PRAP1: variants seen among roughly 807,000 people sequenced by gnomAD.
PRAP1 encodes the protein proline rich acidic protein 1.
A neutral mutation model predicts 14.6 loss-of-function variants in PRAP1; 12 were observed. The ratio of observed to expected loss-of-function variants is 0.82; its 90% confidence interval spans 0.53 to 1.33. The LOEUF (loss-of-function observed/expected upper bound fraction) is 1.33, where lower values mean the gene tolerates loss of function less well. Among genes scored for constraint, PRAP1 ranks in the 40% most tolerant of loss-of-function variants. The pLI is 0.00. For missense variants in PRAP1, 160 were observed against 193.7 expected, an observed-to-expected ratio of 0.83 and a Z score of 1.03; for synonymous variants, 81 against 80.3, an observed-to-expected ratio of 1.01 and a Z score of -0.04.
chr10:133,350,258 AAACCCC>A, intron 2 of PRAP1, 97 bp downstream of exon 2: 1 of 1,113,968 alleles, frequency 9.0e-7, no homozygotes, highest in Non-Finnish European at 1.3e-6. Context: ...TTCTGGCTTC[AAACCCC>A]AAGCTGGCTT....
Position 133,351,314 on chromosome 10 carries a change from A to G in PRAP1, c.76-67A>G, listed in dbSNP as rs2133405689. The G allele has an allele frequency of 5.9e-6, 8 of 1,366,306 alleles. No homozygotes were observed. In the Middle Eastern group the frequency reaches 1.3e-3, roughly 217 times the overall value. The allele number at this position is 1,366,306 out of a possible 1,614,324, so 84.6% of individuals were successfully genotyped here. A position where few individuals can be genotyped will look rare whatever the true frequency, so the allele number is the denominator to read the frequency against. ...GCAGCCCCAGGTGGGCCTCGGAGCA[A>G]CCTCTCCCCAGGTGTCCTCCACCCG... On this transcript the variant is annotated intron_variant, in intron 2 of 4. Transcript: ENST00000433452. This position sits in a 1 kb window ranked among gnomAD's most constrained non-coding sequence, Gnocchi z 4.3.
rs946769636 is a variant in PRAP1 at position 133,348,328 on chromosome 10, C to T, written c.8+903C>T. On this transcript the variant is annotated intron_variant, in intron 1 of 4. Coordinates refer to ENST00000433452, the MANE Select transcript of PRAP1 (RefSeq NM_145202.5). ...ACCAGACCAGACCAGGTCCCGGCCCCGGGCTGTCCGGGGCATCCCCCCTGC... is the reference window on the plus strand; with the variant it reads ...ACCAGACCAGACCAGGTCCCGGCCCTGGGCTGTCCGGGGCATCCCCCCTGC... Among the ~76,000 whole-genome samples, 6 of 152,274 alleles carry T rather than the reference C, an allele frequency of 3.9e-5. No homozygotes were observed. The South Asian group carries it at 8.3e-4, about 21-fold the overall frequency.
chr10:133,348,475 G>A (rs1461601823), intron 1 of PRAP1, among the ~76,000 whole-genome samples: 4 of 151,884 alleles, frequency 2.6e-5, no homozygotes, highest in East Asian at 1.9e-4. Context: ...GAGTAGCTGC[G>A]ATTACAGGTG....
chr10:133,351,361 C>T lies in PRAP1; in HGVS notation c.76-20C>T, dbSNP rs1848675646. The T allele has an allele frequency of 1.2e-6, 2 of 1,608,314 alleles. No individual in the cohort carries two copies. Among genetic ancestry groups the T allele is most frequent in the African/African-American group, 1.3e-5 (1 of 74,802 alleles). The stretch of plus-strand genomic sequence containing the variant: ...CCCGCGTGGACTGTGGCCCAGCCCA[C>T]ACCTGTGACTCTCCCCCAGGTCCCT... On this transcript the variant is annotated intron_variant, in intron 2 of 4. Coordinates refer to ENST00000433452, the MANE Select transcript of PRAP1 (RefSeq NM_145202.5). The surrounding 1 kb of genome is among the most constrained non-coding windows in gnomAD (Gnocchi z 4.3).
At chr10:133,349,683 G>A (rs565588545) in intron 1 of PRAP1, among the ~76,000 whole-genome samples, 20 of 152,360 alleles carry the variant, frequency 1.3e-4, no homozygotes, top group African/African-American at 3.4e-4. Context: ...CTCTGTGGGC[G>A]TGGGGCTGTG....
intron 1 of PRAP1, among the ~76,000 whole-genome samples, chr10:133,349,135 C>G (rs1292003941): frequency 6.6e-6 from 1 of 151,338 alleles, no homozygotes; most frequent in Admixed American, 6.6e-5. Context: ...CCCTCACACT[C>G]TACACACCAC....
In PRAP1 at chr10:133,352,385, A is replaced by G. The variant is rs747892734; in HGVS notation, c.401A>G (p.His134Arg). The G allele has an allele frequency of 5.6e-6, 9 of 1,612,976 alleles. No homozygotes were observed. In the South Asian group the frequency reaches 9.9e-5, roughly 18 times the overall value. ...CCCCGGTTGTGGGTGATGCCAAATC[A>G]CCAGGTGCTCCTGGGACCGGAGGAA... is the stretch of plus-strand genomic sequence containing the variant. ...ERPRLWVMPN[H>R]QVLLGPEEDQ... Residue 134 changes from histidine to arginine, a missense_variant, in exon 5 of 5, where the codon CAC becomes CGC. By Grantham distance (29) the His-to-Arg change is conservative (BLOSUM62 0). Transcript: ENST00000433452.
At position 133,348,759 on chromosome 10, in the gene PRAP1, C is replaced by T. The variant is rs549049066; in HGVS notation, c.8+1334C>T. On this transcript the variant is annotated intron_variant, in intron 1 of 4. Transcript: ENST00000433452. Reference sequence around the variant, plus strand: ...GCCAGGCTGGTTTCGAATGCCTAACCTCAAGTGATCTGTTGCCTCAGCCTC... The same window carrying T: ...GCCAGGCTGGTTTCGAATGCCTAACTTCAAGTGATCTGTTGCCTCAGCCTC... Among the ~76,000 whole-genome samples, 4 of 151,660 alleles carry T rather than the reference C, an allele frequency of 2.6e-5. No individual in the cohort carries two copies. In the East Asian group the frequency reaches 5.8e-4, roughly 22 times the overall value.
Position 133,352,363 on chromosome 10 carries a change from CG to C in PRAP1, c.381del (p.Leu128CysfsTer3). On this transcript the variant is annotated frameshift_variant, in exon 5 of 5. Transcript: ENST00000433452. LOFTEE classifies it low-confidence loss of function (END_TRUNC). Reference protein sequence around the residue: ...PEEDQGEERPRLWVMPNHQVL... With the variant: ...PEEDQGEERPXLWVMPNHQVL... ...GGAGGACCAGGGCGAGGAGAGGCCCCGGTTGTGGGTGATGCCAAATCACCAG... is the reference window on the plus strand; with the variant it reads ...GGAGGACCAGGGCGAGGAGAGGCCCCGTTGTGGGTGATGCCAAATCACCAG... 1 of 1,613,078 alleles carries C rather than the reference CG, an allele frequency of 6.2e-7. No homozygotes were observed. The highest frequency in any genetic ancestry group is 8.5e-7 in the Non-Finnish European group (1 of 1,179,992).
Position 133,347,870 on chromosome 10 carries a change from C to A in PRAP1, c.8+445C>A, listed in dbSNP as rs1848610312. On this transcript the variant is annotated intron_variant, in intron 1 of 4. Transcript: ENST00000433452. This position sits in a 1 kb window ranked among gnomAD's most constrained non-coding sequence, Gnocchi z 5.0. ...GCTGGACCCTGGAATCAGAGGCTGC[C>A]TTCCTTCTGTGGGGGTGTCTGTCTT... is the stretch of plus-strand genomic sequence containing the variant. Among the ~76,000 whole-genome samples the A allele has an allele frequency of 6.6e-6, 1 of 152,200 alleles. No homozygotes were observed. The highest frequency in any genetic ancestry group is 2.1e-4 in the South Asian group (1 of 4,832).
chr10:133,350,405 G>A, intron 2 of PRAP1, among the ~76,000 whole-genome samples: 1 of 152,230 alleles, frequency 6.6e-6, no homozygotes. Context: ...TGGATGATGT[G>A]GGTCCAGATG....
chr10:133,351,934 T>C lies in PRAP1; in HGVS notation c.129-73T>C. The C allele has an allele frequency of 1.3e-6, 2 of 1,557,320 alleles. No homozygotes were observed. The highest frequency in any genetic ancestry group is 2.4e-5 in the South Asian group (2 of 83,202). ...GGCTGGAGTGGCTGCCCTGGGATGG[T>C]GGGCACCCTCCTGCGGGGGGTTCTG... On this transcript the variant is annotated intron_variant, in intron 3 of 4. Coordinates refer to ENST00000433452, the MANE Select transcript of PRAP1 (RefSeq NM_145202.5). This position sits in a 1 kb window ranked among gnomAD's most constrained non-coding sequence, Gnocchi z 4.3.
chr10:133,351,263 AC>A lies in PRAP1; in HGVS notation c.76-113del. On this transcript the variant is annotated intron_variant, in intron 2 of 4. Transcript: ENST00000433452. This position sits in a 1 kb window ranked among gnomAD's most constrained non-coding sequence, Gnocchi z 4.3. ...GCTGTGCTGAGCTGGCCCTGCCCCC[AC>A]CCCCTGCAGCCACCTCCACCCCATG... is the stretch of plus-strand genomic sequence containing the variant. 6.7e-6 allele frequency: 3 copies of A among 449,256 alleles called. No individual in the cohort carries two copies. Among genetic ancestry groups the A allele is most frequent in the Admixed American group, 3.2e-5 (1 of 31,354 alleles). The allele number at this position is 449,256 out of a possible 1,614,324, so 27.8% of individuals were successfully genotyped here. A position where few individuals can be genotyped will look rare whatever the true frequency, so the allele number is the denominator to read the frequency against.
chr10:133,351,733 T>C lies in PRAP1; in HGVS notation c.129-274T>C, dbSNP rs1589867918. 1.3e-5 allele frequency among the ~76,000 whole-genome samples: 2 copies of C among 152,284 alleles called. No homozygotes were observed. Among genetic ancestry groups the C allele is most frequent in the East Asian group, 3.9e-4 (2 of 5,174 alleles). On this transcript the variant is annotated intron_variant, in intron 3 of 4. Coordinates refer to ENST00000433452, the MANE Select transcript of PRAP1 (RefSeq NM_145202.5). This position sits in a 1 kb window ranked among gnomAD's most constrained non-coding sequence, Gnocchi z 4.3. ...TGGCTGTAGCTGGGGCGGCTCAGTCTTGGATCCTGAGGTTCCCCACATCCT... is the reference window on the plus strand; with the variant it reads ...TGGCTGTAGCTGGGGCGGCTCAGTCCTGGATCCTGAGGTTCCCCACATCCT...
At chr10:133,350,260 A>C in intron 2 of PRAP1, 99 bp downstream of exon 2, 1 of 1,085,086 alleles carries the variant, frequency 9.2e-7, no homozygotes, top group Non-Finnish European at 1.4e-6. Flanking sequence ...CTGGCTTCAA[A>C]CCCCAAGCTG....
chr10:133,349,602 C>G (rs903799550), intron 1 of PRAP1, among the ~76,000 whole-genome samples: 6 of 152,222 alleles, frequency 3.9e-5, no homozygotes, highest in Non-Finnish European at 8.8e-5. Context: ...CACCCCTGAG[C>G]CCCCCAGCCG....
At position 133,351,734 on chromosome 10, in the gene PRAP1, T is replaced by C. The variant is rs559848896; in HGVS notation, c.129-273T>C. Among the ~76,000 whole-genome samples, 5 of 152,306 alleles carry C rather than the reference T, an allele frequency of 3.3e-5. No individual in the cohort carries two copies. In the East Asian group the frequency reaches 9.7e-4, roughly 29 times the overall value. Reference sequence around the variant, plus strand: ...GGCTGTAGCTGGGGCGGCTCAGTCTTGGATCCTGAGGTTCCCCACATCCTT... The same window carrying C: ...GGCTGTAGCTGGGGCGGCTCAGTCTCGGATCCTGAGGTTCCCCACATCCTT... On this transcript the variant is annotated intron_variant, in intron 3 of 4. Coordinates refer to ENST00000433452, the MANE Select transcript of PRAP1 (RefSeq NM_145202.5). The surrounding 1 kb of genome is among the most constrained non-coding windows in gnomAD (Gnocchi z 4.3).
At position 133,347,406 on chromosome 10, in the gene PRAP1, C is replaced by T. The variant is rs756555565; in HGVS notation, c.-12C>T. 1.2e-5 allele frequency: 20 copies of T among 1,612,964 alleles called. No homozygotes were observed. The highest frequency in any genetic ancestry group is 1.6e-4 in the Middle Eastern group (1 of 6,072). ...TCCCTGAGCACTCTCTACAGAGACG[C>T]GGACCCCAGACATGAGGAGGTAATG... On this transcript the variant is annotated 5_prime_UTR_variant, in exon 1 of 5. Coordinates refer to ENST00000433452, the MANE Select transcript of PRAP1 (RefSeq NM_145202.5). This position sits in a 1 kb window ranked among gnomAD's most constrained non-coding sequence, Gnocchi z 5.0.
intron 4 of PRAP1, 28 bp from the exon 5 acceptor site, chr10:133,352,219 G>C (rs758495504): frequency 1.2e-6 from 2 of 1,611,810 alleles, no homozygotes; most frequent in Non-Finnish European, 1.7e-6. Flanking sequence ...AAGAAACTGA[G>C]ACTATACCTT....
Sources: allele counts gnomAD v4.1 joint callset (sites outside exome capture counted in the v4.1 genomes callset), GRCh38; gene constraint gnomAD v4.1.1; non-coding constraint Gnocchi (gnomAD v3.1); transcripts MANE v1.5; gene names NCBI Gene and HGNC (gene_info 2026-07-23, HGNC 2026-07-21).